The following C8B variants were observed in gnomAD, a reference collection of about 807,000 sequenced individuals.
C8B encodes the protein complement component C8 beta chain.
A neutral mutation model predicts 64.6 loss-of-function variants in C8B; 67 were observed. The ratio of observed to expected loss-of-function variants is 1.04; its 90% CI spans 0.85 to 1.27. C8B has a LOEUF of 1.27. Ranked by LOEUF, C8B falls within the 50% of genes most tolerant of loss-of-function variation. C8B has a pLI of 0.00. For missense variants in C8B, 790 were observed against 725.2 expected, an observed-to-expected ratio of 1.09 and a Z score of -1.03; for synonymous variants, 284 against 257.7, an observed-to-expected ratio of 1.10 and a Z score of -0.98.
chr1:56,946,797 T>C (rs573976056), intron 6 of C8B, among the ~76,000 whole-genome samples: 7 of 152,232 alleles, frequency 4.6e-5, no homozygotes, highest in Non-Finnish European at 8.8e-5. Flanking sequence ...GCATTCCCTA[T>C]AGTGCTGTAT....
intron 10 of C8B, 22 bp from the exon 11 acceptor site, chr1:56,931,900 AG>A: frequency 8.8e-6 from 14 of 1,591,856 alleles, no homozygotes; most frequent in Non-Finnish European, 1.1e-5. Flanking sequence ...AGGCAGAGAA[AG>A]TGTGAATCAT....
At chr1:56,962,948 C>A (rs769913230) in intron 1 of C8B, among the ~76,000 whole-genome samples, 1 of 152,166 alleles carries the variant, frequency 6.6e-6, no homozygotes. Flanking sequence ...AGATCTAGTT[C>A]ATTTCTTTTG....
At chr1:56,962,407 C>G (rs576311615) in intron 1 of C8B, among the ~76,000 whole-genome samples, 1 of 152,276 alleles carries the variant, frequency 6.6e-6, no homozygotes, top group Non-Finnish European at 1.5e-5. Flanking sequence ...TCTTTAGTTC[C>G]TGGGACTAAC....
intron 9 of C8B, among the ~76,000 whole-genome samples, chr1:56,940,575 A>AAGT (rs66980952): frequency 4.9e-4 from 2 of 4,058 alleles, no homozygotes; most frequent in East Asian, 0.077. Flanking sequence ...GTCTCTAGAA[A>AAGT]AGAAGAAGAA....
intron 2 of C8B, among the ~76,000 whole-genome samples, chr1:56,959,062 T>C (rs586902): frequency 0.88 from 133,885 of 152,244 alleles, 59,096 homozygotes; most frequent in East Asian, 1. Context: ...ATACAAGGAA[T>C]ACTGGACAGT....
Position 56,965,890 on chromosome 1 carries a change from G to A in C8B, c.59C>T (p.Ala20Val). 1.2e-6 allele frequency: 2 copies of A among 1,614,052 alleles called. No individual in the cohort carries two copies. Among genetic ancestry groups the A allele is most frequent in the South Asian group, 1.1e-5 (1 of 91,058 alleles). ...AGGCAAACTGAGACAGCCCAGGGCA[G>A]CACAGAGAAGAAATAGCTCCACCGG... ...RAPVELFLLC[A>V]ALGCLSLPGS... Residue 20 changes from alanine to valine, a missense_variant, in exon 1 of 12, where the codon GCT (alanine) becomes GTT (valine). Physicochemically the swap from Ala to Val is moderately conservative, Grantham distance 64. Coordinates refer to ENST00000371237, the MANE Select transcript of C8B (RefSeq NM_000066.4).
At chr1:56,945,279 A>G (rs1297286443) in intron 7 of C8B, among the ~76,000 whole-genome samples, 2 of 152,228 alleles carry the variant, frequency 1.3e-5, no homozygotes, top group African/African-American at 2.4e-5. Context: ...GGTAGAGCTG[A>G]TGGATTTGAA....
intron 5 of C8B, among the ~76,000 whole-genome samples, chr1:56,950,346 T>C (rs2101427143): frequency 6.6e-6 from 1 of 152,192 alleles, no homozygotes. Flanking sequence ...CAGGTGATGG[T>C]TGATGAGGGT....
intron 2 of C8B, among the ~76,000 whole-genome samples, chr1:56,957,534 C>T (rs891962652): frequency 6.6e-6 from 1 of 152,128 alleles, no homozygotes; most frequent in Non-Finnish European, 1.5e-5. Context: ...TATATAATCT[C>T]ATTATGTTGT....
chr1:56,943,944 A>G lies in C8B; in HGVS notation c.1106-120T>C. ...GTCACAAGGACTCGGGTTCAAATAA[A>G]TAGGTCACCAGCCTGATAACAAGAA... On this transcript the variant is annotated intron_variant, in intron 7 of 11. Coordinates refer to ENST00000371237, the MANE Select transcript of C8B (RefSeq NM_000066.4). The G allele has an allele frequency of 4.6e-6, 5 of 1,093,346 alleles. No homozygotes were observed. In the South Asian group the frequency reaches 5.2e-5, roughly 11 times the overall value. 67.7% of individuals were successfully genotyped at this position (1,093,346 alleles called of 1,614,324 possible).
chr1:56,937,333 T>A (rs1339942709), intron 9 of C8B, among the ~76,000 whole-genome samples: 1 of 152,198 alleles, frequency 6.6e-6, no homozygotes, highest in East Asian at 1.9e-4. Flanking sequence ...AGCAACTACA[T>A]TGAGCAAATC....
intron 8 of C8B, 82 bp from the exon 9 acceptor site, chr1:56,941,094 G>T (rs1322671812): frequency 6.8e-7 from 1 of 1,469,826 alleles, no homozygotes; most frequent in Non-Finnish European, 9.4e-7. Flanking sequence ...CAACAATTTG[G>T]GTACACCATA....
chr1:56,931,759 T>C, intron 11 of C8B, 51 bp downstream of exon 11: 2 of 1,274,024 alleles, frequency 1.6e-6, no homozygotes, highest in Non-Finnish European at 2.3e-6. Context: ...GCTCTTCTTC[T>C]GGTGAATTAT....
intron 8 of C8B, 77 bp from the exon 9 acceptor site, chr1:56,941,089 A>C: frequency 6.8e-7 from 1 of 1,477,740 alleles, no homozygotes. Context: ...CCAACCAACA[A>C]TTTGGGTACA....
intron 1 of C8B, among the ~76,000 whole-genome samples, chr1:56,964,953 C>G (rs1004631000): frequency 1.3e-5 from 2 of 152,194 alleles, no homozygotes; most frequent in Non-Finnish European, 1.5e-5. Context: ...ATAGCTGTTA[C>G]TTATTGAGTG....
In C8B at chr1:56,933,410, G is replaced by T. The variant is rs1557726294; in HGVS notation, c.1477C>A (p.Leu493Met). Residue 493 changes from leucine (L) to methionine (M), a missense_variant, in exon 10 of 12, where the codon CTG becomes ATG. Leu to Met is a conservative substitution (Grantham distance 15). Transcript: ENST00000371237. Reference protein sequence around the residue: ...STVRQNMKQALEEFQKEVSSC... With the variant: ...STVRQNMKQAMEEFQKEVSSC... ...CTAACTTCCTTCTGGAACTCCTCCA[G>T]TGCCTGCTTCATGTTCTGCCTCACT... 1.2e-6 allele frequency: 2 copies of T among 1,613,404 alleles called. No homozygotes were observed. Among genetic ancestry groups the T allele is most frequent in the Non-Finnish European group, 1.7e-6 (2 of 1,179,496 alleles).
intron 11 of C8B, 57 bp from the exon 12 acceptor site, chr1:56,929,615 A>C: frequency 1.3e-6 from 2 of 1,571,218 alleles, no homozygotes; most frequent in Non-Finnish European, 8.8e-7. Flanking sequence ...CTGGTGCCTT[A>C]CTGGGGTTGG....
In C8B at chr1:56,949,604, CTT is replaced by C; in HGVS notation, c.813_814del (p.Ser272Ter). On this transcript the variant is annotated frameshift_variant, in exon 6 of 12. Transcript: ENST00000371237. LOFTEE classifies it high-confidence loss of function. ...CCTAATATAGTGTTTGCCTCGATCACTTTGACTACTGATGCCAAGTTCAAATA... is the reference window on the plus strand; with the variant it reads ...CCTAATATAGTGTTTGCCTCGATCACTGACTACTGATGCCAAGTTCAAATA... 6.2e-7 allele frequency: 1 copy of C among 1,614,092 alleles called. No individual in the cohort carries two copies. Among genetic ancestry groups the C allele is most frequent in the Non-Finnish European group, 8.5e-7 (1 of 1,179,976 alleles).
At chr1:56,943,310 C>A (rs1046201761) in intron 8 of C8B, among the ~76,000 whole-genome samples, 1 of 152,094 alleles carries the variant, frequency 6.6e-6, no homozygotes, top group Non-Finnish European at 1.5e-5. Flanking sequence ...ATGTTCAGAG[C>A]AGCATCAGTT....
Sources: gnomAD v4.1 joint callset for allele counts (sites outside exome capture counted in the v4.1 genomes callset) on GRCh38, gnomAD v4.1.1 for gene constraint, MANE v1.5 for transcripts, NCBI Gene and HGNC (gene_info 2026-07-23, HGNC 2026-07-21) for gene names.